Variants in CDYL2 observed in about 807,000 individuals in gnomAD.
The protein encoded by CDYL2 is chromodomain Y-like protein 2.
A neutral mutation model predicts 49.4 loss-of-function variants in CDYL2; 23 were observed. The ratio of observed to expected loss-of-function variants is 0.47; its 90% CI spans 0.34 to 0.66. CDYL2 has a LOEUF of 0.66. CDYL2 is among the 30% of genes least tolerant of loss of function. The probability of loss-of-function intolerance (pLI) is 0.01; values close to 1 mark genes in which losing one functional copy is unlikely to be tolerated. For synonymous variants in CDYL2, 360 were observed against 268.8 expected, an observed-to-expected ratio of 1.34 and a Z score of -3.32; for missense variants, 678 against 656.4, an observed-to-expected ratio of 1.03 and a Z score of -0.36.
intron 2 of CDYL2, among the ~76,000 whole-genome samples, chr16:80,641,841 T>C (rs1042175326): frequency 6.6e-6 from 1 of 151,460 alleles, no homozygotes; most frequent in African/African-American, 2.4e-5. Context: ...GGCACATGTA[T>C]ACATATGTAA....
rs972632406 is a variant in CDYL2, at chr16:80,599,865, C to G, written c.*4523G>C. On this transcript the variant is annotated 3_prime_UTR_variant, in exon 7 of 7. Coordinates refer to ENST00000570137, the MANE Select transcript of CDYL2 (RefSeq NM_152342.4). ...CCTATCCTTGGTCTATTCTTATGGC[C>G]AAAGACAATCACCAAGGTGTCTATC... The G allele has an allele frequency of 6.6e-6, 1 of 152,136 alleles. No individual in the cohort carries two copies. The highest frequency in any genetic ancestry group is 1.5e-5 in the Non-Finnish European group (1 of 68,032). The allele number at this position is 152,136 out of a possible 1,614,324, so 9.4% of individuals were successfully genotyped here. A position where few individuals can be genotyped will look rare whatever the true frequency, so the allele number is the denominator to read the frequency against.
At chr16:80,673,948 G>A (rs1360128733) in intron 2 of CDYL2, among the ~76,000 whole-genome samples, 1 of 152,180 alleles carries the variant, frequency 6.6e-6, no homozygotes, top group Non-Finnish European at 1.5e-5. Flanking sequence ...ACGAGCCGAG[G>A]AGAACGTGCA....
chr16:80,641,666 G>A lies in CDYL2; in HGVS notation c.617-8430C>T, dbSNP rs111559630. The stretch of plus-strand genomic sequence containing the variant: ...GCAAGGACAAAAAACCAAACACTGC[G>A]TGTTCTCACTCATAGGAGGTAATTG... On this transcript the variant is annotated intron_variant, in intron 2 of 6. Coordinates refer to ENST00000570137, the MANE Select transcript of CDYL2 (RefSeq NM_152342.4). Among the ~76,000 whole-genome samples, 15 of 147,720 alleles carry A rather than the reference G, an allele frequency of 1.0e-4. 1 individual carries two copies. Among genetic ancestry groups the A allele is most frequent in the African/African-American group, 3.2e-4 (13 of 40,182 alleles).
intron 1 of CDYL2, among the ~76,000 whole-genome samples, chr16:80,768,215 C>A (rs1906789784): frequency 6.6e-6 from 1 of 152,166 alleles, no homozygotes; most frequent in Non-Finnish European, 1.5e-5. Flanking sequence ...TACTAGAGAT[C>A]CTGACAATAT....
chr16:80,774,067 A>C (rs1011566082), intron 1 of CDYL2, among the ~76,000 whole-genome samples: 2 of 152,168 alleles, frequency 1.3e-5, no homozygotes, highest in Non-Finnish European at 2.9e-5. Flanking sequence ...TTACTTTATA[A>C]TTCATTAAAG....
chr16:80,644,885 G>A (rs1908265061), intron 2 of CDYL2, among the ~76,000 whole-genome samples: 1 of 151,936 alleles, frequency 6.6e-6, no homozygotes, highest in East Asian at 2.0e-4. Flanking sequence ...ACAAGAAATG[G>A]GGAAAGGATT....
At chr16:80,737,523 G>A (rs958405238) in intron 1 of CDYL2, among the ~76,000 whole-genome samples, 1 of 152,190 alleles carries the variant, frequency 6.6e-6, no homozygotes, top group African/African-American at 2.4e-5. Context: ...TCTAGGTACC[G>A]TGAGCATGGC....
intron 1 of CDYL2, among the ~76,000 whole-genome samples, chr16:80,704,983 T>C (rs1424358496): frequency 6.6e-6 from 1 of 152,218 alleles, no homozygotes; most frequent in Non-Finnish European, 1.5e-5. Context: ...GACATGCTTA[T>C]TGTCCAGCTA....
intron 2 of CDYL2, among the ~76,000 whole-genome samples, chr16:80,642,618 G>C (rs979603832): frequency 2.0e-5 from 3 of 152,104 alleles, no homozygotes; most frequent in Non-Finnish European, 4.4e-5. Context: ...GGTTTAATTG[G>C]ACTTACAGTT....
intron 1 of CDYL2, among the ~76,000 whole-genome samples, chr16:80,786,792 C>T (rs999345443): frequency 6.6e-6 from 1 of 152,058 alleles, no homozygotes; most frequent in Non-Finnish European, 1.5e-5. Context: ...AAGCCGGAAA[C>T]CATCATTCTC....
At chr16:80,719,626 T>C (rs1411801954) in intron 1 of CDYL2, among the ~76,000 whole-genome samples, 4 of 152,186 alleles carry the variant, frequency 2.6e-5, no homozygotes, top group Admixed American at 2.6e-4. Context: ...CAAACAAGTA[T>C]CTGTACCTTG....
rs1906064078 is a variant in CDYL2, at chr16:80,601,128, G to GA, written c.*3259_*3260insT. 1.3e-5 allele frequency: 2 copies of GA among 152,166 alleles called. No homozygotes were observed. The highest frequency in any genetic ancestry group is 6.5e-5 in the Admixed American group (1 of 15,276). The allele number at this position is 152,166 out of a possible 1,614,324, so 9.4% of individuals were successfully genotyped here. The stretch of plus-strand genomic sequence containing the variant: ...CGGAAGGGGCACATTAAGTACATCA[G>GA]CATTAGGCTGTGTCTTCCAAATGGT... On this transcript the variant is annotated 3_prime_UTR_variant, in exon 7 of 7. Coordinates refer to ENST00000570137, the MANE Select transcript of CDYL2 (RefSeq NM_152342.4).
intron 2 of CDYL2, among the ~76,000 whole-genome samples, chr16:80,656,803 G>C (rs80004552): frequency 6.6e-6 from 1 of 152,172 alleles, no homozygotes; most frequent in Admixed American, 6.5e-5. Flanking sequence ...AAAGCAGTCA[G>C]TGGGGTGGGA....
At chr16:80,709,333 G>T (rs1242963685) in intron 1 of CDYL2, among the ~76,000 whole-genome samples, 1 of 146,300 alleles carries the variant, frequency 6.8e-6, no homozygotes, top group East Asian at 2.0e-4. Flanking sequence ...AGTGAGCCAA[G>T]ATCGTGCCAT....
intron 2 of CDYL2, among the ~76,000 whole-genome samples, chr16:80,653,117 T>C (rs565384542): frequency 1.3e-5 from 2 of 152,346 alleles, no homozygotes; most frequent in South Asian, 2.1e-4. Context: ...GTGGGCTATA[T>C]AGAAACTTGC....
chr16:80,618,427 G>T (rs1227088455), intron 4 of CDYL2, among the ~76,000 whole-genome samples: 1 of 152,214 alleles, frequency 6.6e-6, no homozygotes, highest in Non-Finnish European at 1.5e-5. Flanking sequence ...AGGAGAAGAG[G>T]TTTTGCCCCT....
intron 1 of CDYL2, among the ~76,000 whole-genome samples, chr16:80,718,214 T>C (rs542543360): frequency 6.6e-6 from 1 of 152,324 alleles, no homozygotes; most frequent in South Asian, 2.1e-4. Context: ...TGAGTTTTGT[T>C]TTGTCTTCAC....
At chr16:80,774,287 A>G (rs11645632) in intron 1 of CDYL2, among the ~76,000 whole-genome samples, 3 of 152,124 alleles carry the variant, frequency 2.0e-5, no homozygotes, top group Admixed American at 2.0e-4. Flanking sequence ...TTATGCTAAT[A>G]AGCCAGGCGC....
chr16:80,775,151 A>G (rs978468262), intron 1 of CDYL2, among the ~76,000 whole-genome samples: 6 of 151,918 alleles, frequency 3.9e-5, no homozygotes, highest in Non-Finnish European at 7.4e-5. Context: ...AAGAGCTACT[A>G]TAAGAAATAC....
Sources: allele counts gnomAD v4.1 joint callset (sites outside exome capture counted in the v4.1 genomes callset), GRCh38; gene constraint gnomAD v4.1.1; transcripts MANE v1.5; gene names NCBI Gene and HGNC (gene_info 2026-07-23, HGNC 2026-07-21).